RABL2A: variants seen among roughly 807,000 people sequenced by gnomAD.
The protein encoded by RABL2A is rab-like protein 2A.
Under a neutral mutation model 30.7 loss-of-function variants are expected in RABL2A, and 17 were observed. The observed-to-expected ratio is 0.55, with a 90% confidence interval of 0.38 to 0.83. The LOEUF is 0.83. Ranked by LOEUF, RABL2A falls within the 40% of genes least tolerant of loss-of-function variation. The pLI, the probability that RABL2A is intolerant of heterozygous loss-of-function variation, is 0.00. For missense variants in RABL2A, 155 were observed against 272.6 expected, an observed-to-expected ratio of 0.57 and a Z score of 3.04; for synonymous variants, 64 against 101.8, an observed-to-expected ratio of 0.63 and a Z score of 2.24.
Position 113,642,482 on chromosome 2 carries a change from T to C in RABL2A, c.*353T>C. 1 of 334,448 alleles carries C rather than the reference T, an allele frequency of 3.0e-6. No individual in the cohort carries two copies. Among genetic ancestry groups the C allele is most frequent in the Admixed American group, 4.6e-5 (1 of 21,590 alleles). 20.7% of individuals were successfully genotyped at this position (334,448 alleles called of 1,614,324 possible). ...TTAGGTGTTTTTTGGTGTTTTTGTT[T>C]TTGTTTTCTTTCCAAAGCTCACCTC... On this transcript the variant is annotated 3_prime_UTR_variant, in exon 9 of 9. Transcript: ENST00000683472.
At chr2:113,631,976 AATCT>A (rs1680541967) in intron 2 of RABL2A, among the ~76,000 whole-genome samples, 1 of 151,928 alleles carries the variant, frequency 6.6e-6, no homozygotes, top group African/African-American at 2.4e-5. Flanking sequence ...TTATAAATAA[AATCT>A]ATCCTCCTTT....
chr2:113,642,722 C>A lies in RABL2A; in HGVS notation c.*593C>A, dbSNP rs368243776. 3.7e-5 allele frequency: 7 copies of A among 191,006 alleles called. No individual in the cohort carries two copies. In the East Asian group the frequency reaches 7.0e-4, roughly 19 times the overall value. The allele number at this position is 191,006 out of a possible 1,614,324, so 11.8% of individuals were successfully genotyped here. On this transcript the variant is annotated 3_prime_UTR_variant, in exon 9 of 9. Transcript: ENST00000683472. ...GTGGCGCAGTCTCGGCTCGCTGCAA[C>A]CTCTGACTCCCTGGTTCAAACGATT...
intron 2 of RABL2A, among the ~76,000 whole-genome samples, chr2:113,629,943 A>G (rs905935327): frequency 3.3e-5 from 5 of 152,040 alleles, no homozygotes; most frequent in Non-Finnish European, 7.4e-5. Context: ...AATAAATAAT[A>G]CCCCCTTTAT....
intron 1 of RABL2A, chr2:113,628,153 C>G (rs1678834666): frequency 3.6e-6 from 1 of 275,308 alleles, no homozygotes; most frequent in South Asian, 4.2e-5. Context: ...CCTATTGCTG[C>G]TATCTCATCA....
chr2:113,630,908 T>C (rs1184179321), intron 2 of RABL2A, among the ~76,000 whole-genome samples: 1 of 151,744 alleles, frequency 6.6e-6, no homozygotes, highest in East Asian at 1.9e-4. Context: ...TTTTTTTGGT[T>C]TTTTTTTGAG....
intron 5 of RABL2A, chr2:113,637,739 G>A: frequency 8.0e-7 from 1 of 1,250,442 alleles, no homozygotes; most frequent in South Asian, 1.4e-5. Context: ...CTTGGTCCTA[G>A]CCAGTTTGGT....
intron 5 of RABL2A, chr2:113,637,913 A>G (rs1683561608): frequency 1.0e-6 from 1 of 985,344 alleles, no homozygotes; most frequent in Non-Finnish European, 1.2e-6. Context: ...GGTGCCTGCC[A>G]CCAGCCCCAG....
At chr2:113,627,625 C>A (rs1443966729) in intron 1 of RABL2A, among the ~76,000 whole-genome samples, 1 of 152,190 alleles carries the variant, frequency 6.6e-6, no homozygotes, top group African/African-American at 2.4e-5. Context: ...ATGGCGAGGA[C>A]ATCGACAAGC....
chr2:113,639,217 G>T (rs189582603), intron 5 of RABL2A, among the ~76,000 whole-genome samples: 6 of 151,948 alleles, frequency 3.9e-5, no homozygotes, highest in Non-Finnish European at 5.9e-5. Flanking sequence ...AGCCCAGGGG[G>T]TGGAGGAGCA....
At chr2:113,637,618 A>G in intron 5 of RABL2A, 1 of 1,212,954 alleles carries the variant, frequency 8.2e-7, no homozygotes, top group Non-Finnish European at 1.1e-6. Flanking sequence ...CCCTTGAAAA[A>G]TTCCAAAAGC....
At chr2:113,634,300 G>A in intron 4 of RABL2A, 68 bp downstream of exon 4, 1 of 1,561,566 alleles carries the variant, frequency 6.4e-7, no homozygotes, top group Non-Finnish European at 8.7e-7. Flanking sequence ...GGGGAGGTGA[G>A]GCAAGGTTCA....
intron 1 of RABL2A, 111 bp downstream of exon 1, chr2:113,627,511 G>T (rs1678515069): frequency 6.5e-6 from 1 of 154,242 alleles, no homozygotes; most frequent in African/African-American, 2.4e-5. Flanking sequence ...GCACGGAAAG[G>T]TGGCTTCGCG....
At chr2:113,630,974 T>C (rs1197114999) in intron 2 of RABL2A, among the ~76,000 whole-genome samples, 1 of 152,130 alleles carries the variant, frequency 6.6e-6, no homozygotes, top group East Asian at 1.9e-4. Context: ...CTCGGCTCAC[T>C]GCAACCTCCG....
rs1438759043 is a variant in RABL2A, at chr2:113,641,797, T to C, written c.524T>C (p.Ile175Thr). The change falls in exon 8 of 9, where the codon ATT becomes ACT. Residue 175 changes from isoleucine (I) to threonine (T), a missense_variant. Transcript: ENST00000683472. Reference sequence around the variant, plus strand: ...CACCCCCAGCTCTTCAATGATGCAATTCGATTAGCTGTGTCTTACAAACAG... The same window carrying C: ...CACCCCCAGCTCTTCAATGATGCAACTCGATTAGCTGTGTCTTACAAACAG... ...TNVVKLFNDAIRLAVSYKQNS... is the reference protein window; with the variant it reads ...TNVVKLFNDATRLAVSYKQNS... 1.3e-6 allele frequency: 1 copy of C among 796,842 alleles called. No individual in the cohort carries two copies. The highest frequency in any genetic ancestry group is 2.4e-5 in the Admixed American group (1 of 42,440). 49.4% of individuals were successfully genotyped at this position (796,842 alleles called of 1,614,324 possible). A position where few individuals can be genotyped will look rare whatever the true frequency, so the allele number is the denominator to read the frequency against.
intron 2 of RABL2A, among the ~76,000 whole-genome samples, chr2:113,630,854 C>A (rs907872998): frequency 4.0e-5 from 6 of 151,616 alleles, no homozygotes; most frequent in African/African-American, 1.5e-4. Flanking sequence ...TCTTTTGACC[C>A]CAGGTGATCA....
At position 113,640,951 on chromosome 2, in the gene RABL2A, C is replaced by G; in HGVS notation, c.355C>G (p.Leu119Val). The change falls in exon 6 of 9, where the codon CTT becomes GTT. Residue 119 changes from leucine (L) to valine (V), a missense_variant. Physicochemically the swap from Leu to Val is conservative, Grantham distance 32. Around this residue, in one of 5 missense-constraint regions of RABL2A, gnomAD observed 82 missense variants for 103.2 expected, o/e 0.79. Transcript: ENST00000683472. ...YRNLSTWYTE[L>V]REFRPEIPCI... ...GAACCTGAGCACCTGGTATACAGAGCTTCGGGAGTTCAGGCCAGAGATCCC... is the reference window on the plus strand; with the variant it reads ...GAACCTGAGCACCTGGTATACAGAGGTTCGGGAGTTCAGGCCAGAGATCCC... 6.2e-7 allele frequency: 1 copy of G among 1,613,740 alleles called. No individual in the cohort carries two copies. The highest frequency in any genetic ancestry group is 8.5e-7 in the Non-Finnish European group (1 of 1,179,854).
In RABL2A at chr2:113,629,039, A is replaced by G. The variant is rs537044925; in HGVS notation, c.107+326A>G. On this transcript the variant is annotated intron_variant, in intron 2 of 8. Transcript: ENST00000683472. ...TGGGAATGGAAAGACAAAAGTGACT[A>G]TGCCACCGTGACAGATTGGGTAAAG... Among the ~76,000 whole-genome samples the G allele has an allele frequency of 2.0e-5, 3 of 151,128 alleles. No homozygotes were observed. In the South Asian group the frequency reaches 6.4e-4, roughly 32 times the overall value.
intron 5 of RABL2A, among the ~76,000 whole-genome samples, chr2:113,636,724 C>T (rs186094825): frequency 6.6e-6 from 1 of 152,286 alleles, no homozygotes; most frequent in Non-Finnish European, 1.5e-5. Context: ...TGCGGTGGCT[C>T]ACGCCTGTAA....
At chr2:113,630,336 C>G (rs566460293) in intron 2 of RABL2A, among the ~76,000 whole-genome samples, 28 of 152,316 alleles carry the variant, frequency 1.8e-4, no homozygotes, top group African/African-American at 6.7e-4. Context: ...AGAACTACTG[C>G]CAATTTTCAG....
Sources: gnomAD v4.1 joint callset for allele counts (sites outside exome capture counted in the v4.1 genomes callset) on GRCh38, gnomAD v4.1.1 for gene constraint, gnomAD v4.1.1 regional missense constraint, MANE v1.5 for transcripts, NCBI Gene and HGNC (gene_info 2026-07-23, HGNC 2026-07-21) for gene names.